The following CSGALNACT1 variants were observed in gnomAD, a reference collection of about 807,000 sequenced individuals.
CSGALNACT1 encodes the protein chondroitin sulfate N-acetylgalactosaminyltransferase 1, also known as beta4GalNAcT-1.
CSGALNACT1 carries 52 observed loss-of-function variants against 51.0 expected under a neutral mutation model. The ratio of observed to expected loss-of-function variants is 1.02; its 90% CI spans 0.82 to 1.29. The LOEUF (loss-of-function observed/expected upper bound fraction) is 1.29, where lower values mean the gene tolerates loss of function less well. Among genes scored for constraint, CSGALNACT1 ranks in the 50% most tolerant of loss-of-function variants. CSGALNACT1 has a pLI of 0.00. For missense variants in CSGALNACT1, 935 were observed against 679.2 expected (o/e 1.38, Z -4.19); for synonymous variants, 341 against 254.4 (o/e 1.34, Z -3.24).
chr8:19,439,190 T>G (rs1231927567), intron 6 of CSGALNACT1, among the ~76,000 whole-genome samples: 3 of 152,374 alleles, frequency 2.0e-5, no homozygotes, highest in African/African-American at 7.2e-5. Flanking sequence ...AATCCATCTA[T>G]GCTGCTTTTG....
chr8:19,423,593 G>T (rs554963111), intron 6 of CSGALNACT1, among the ~76,000 whole-genome samples: 2 of 152,294 alleles, frequency 1.3e-5, no homozygotes, highest in South Asian at 4.2e-4. Context: ...CATGGGAAAA[G>T]GGGTGGGAAG....
intron 1 of CSGALNACT1, among the ~76,000 whole-genome samples, chr8:19,661,461 C>G (rs1003836685): frequency 6.6e-6 from 1 of 152,340 alleles, no homozygotes; most frequent in Admixed American, 6.5e-5. Flanking sequence ...TGTCTTCAAT[C>G]TAAGGAATGC....
chr8:19,517,103 G>A (rs1000405212), intron 3 of CSGALNACT1, among the ~76,000 whole-genome samples: 11 of 152,148 alleles, frequency 7.2e-5, no homozygotes, highest in African/African-American at 2.7e-4. Context: ...AAGCATCACG[G>A]CAAGTAGAAT....
intron 3 of CSGALNACT1, among the ~76,000 whole-genome samples, chr8:19,516,793 A>G (rs2079610325): frequency 6.6e-6 from 1 of 152,144 alleles, no homozygotes; most frequent in Non-Finnish European, 1.5e-5. Context: ...GGCTTCCATG[A>G]TGGGAGCCCC....
chr8:19,666,775 GAAAGAAAGAAAGAAAGAAAGA>G (rs2059217148), intron 1 of CSGALNACT1, among the ~76,000 whole-genome samples: 1 of 7,172 alleles, frequency 1.4e-4, no homozygotes, highest in Non-Finnish European at 2.7e-4. Flanking sequence ...AAGAAAGAAA[GAAAGAAAGAAAGAAAGAAAGA>G]AAGAAAGAAA....
rs1300165269 is a variant in CSGALNACT1, at chr8:19,457,550, T to C, written c.851+876A>G. 1.9e-5 allele frequency: 11 copies of C among 580,102 alleles called. No homozygotes were observed. The East Asian group carries it at 5.4e-4, about 29-fold the overall frequency. The allele number at this position is 580,102 out of a possible 1,614,324, so 35.9% of individuals were successfully genotyped here. A position where few individuals can be genotyped will look rare whatever the true frequency, so the allele number is the denominator to read the frequency against. On this transcript the variant is annotated intron_variant, in intron 5 of 9. Coordinates refer to ENST00000454498, the Ensembl canonical transcript of CSGALNACT1. ...ATTACCTGAACCTGGGAGGTGAAGG[T>C]TGCAGTGAGCAGAGTTCGTGCCACT...
At chr8:19,735,337 G>A (rs1167492188) in intron 1 of CSGALNACT1, among the ~76,000 whole-genome samples, 1 of 152,132 alleles carries the variant, frequency 6.6e-6, no homozygotes, top group African/African-American at 2.4e-5. Context: ...TGGAATGACA[G>A]TACTCCCAGA....
intron 4 of CSGALNACT1, among the ~76,000 whole-genome samples, chr8:19,481,604 G>T (rs1302045584): frequency 6.6e-6 from 1 of 152,084 alleles, no homozygotes; most frequent in African/African-American, 2.4e-5. Flanking sequence ...TGAAAACAAA[G>T]TCCCAAACTG....
intron 3 of CSGALNACT1, among the ~76,000 whole-genome samples, chr8:19,562,782 A>G (rs1044814256): frequency 6.6e-6 from 1 of 152,222 alleles, no homozygotes; most frequent in Admixed American, 6.5e-5. Context: ...GAAACAAAAA[A>G]TACTGGCAAG....
At position 19,420,537 on chromosome 8, in the gene CSGALNACT1, T is replaced by C. The variant is rs745573407; in HGVS notation, c.954-19A>G. Reference sequence around the variant, plus strand: ...GGCAGCTCTGAAAGGCAAGACCAGGTACTGTCACTCACATTCCCACATGTT... The same window carrying C: ...GGCAGCTCTGAAAGGCAAGACCAGGCACTGTCACTCACATTCCCACATGTT... On this transcript the variant is annotated intron_variant, in intron 6 of 9. Coordinates refer to ENST00000454498, the Ensembl canonical transcript of CSGALNACT1. 6.2e-7 allele frequency: 1 copy of C among 1,612,326 alleles called. No homozygotes were observed. Among genetic ancestry groups the C allele is most frequent in the Non-Finnish European group, 8.5e-7 (1 of 1,179,208 alleles).
In CSGALNACT1 at chr8:19,458,575, G is replaced by A. The variant is rs12155539; in HGVS notation, c.702C>T (p.His234=). 0.39 allele frequency: 625,243 copies of A among 1,613,692 alleles called. 129,898 individuals are homozygous for A. Among genetic ancestry groups the A allele is most frequent in the East Asian group, 0.84 (37,601 of 44,850 alleles). ...GAAATAAGATGAGCCGTTTGAATTC[G>A]TGTTTGTGGTCCCCTTTGAAGGTGA... The change falls in exon 5 of 10, where the codon CAC becomes CAT. Residue 234 remains histidine, a synonymous_variant. Coordinates refer to ENST00000454498, the Ensembl canonical transcript of CSGALNACT1.
chr8:19,483,850 A>T (rs1178663215), intron 4 of CSGALNACT1, among the ~76,000 whole-genome samples: 1 of 152,180 alleles, frequency 6.6e-6, no homozygotes, highest in Non-Finnish European at 1.5e-5. Flanking sequence ...CTTCCAATGT[A>T]TTGTCCTTTA....
chr8:19,553,319 A>C (rs1239542648), intron 3 of CSGALNACT1, among the ~76,000 whole-genome samples: 1 of 151,998 alleles, frequency 6.6e-6, no homozygotes, highest in Non-Finnish European at 1.5e-5. Flanking sequence ...TGGTACCCTA[A>C]AGGAACTAAA....
At chr8:19,481,088 G>A (rs1163227322) in intron 4 of CSGALNACT1, among the ~76,000 whole-genome samples, 1 of 152,160 alleles carries the variant, frequency 6.6e-6, no homozygotes, top group Non-Finnish European at 1.5e-5. Flanking sequence ...AAGTTTTAAA[G>A]GCTGTAATTA....
chr8:19,644,672 T>C (rs911625490), intron 1 of CSGALNACT1, among the ~76,000 whole-genome samples: 10 of 128,278 alleles, frequency 7.8e-5, no homozygotes, highest in East Asian at 2.3e-4. Context: ...ATGGTGCTAC[T>C]GCACTCCAGC....
At chr8:19,484,792 A>G (rs78844872) in intron 4 of CSGALNACT1, among the ~76,000 whole-genome samples, 4,937 of 152,320 alleles carry the variant, frequency 0.032, 111 homozygotes, top group Non-Finnish European at 0.05. Flanking sequence ...TTAAGTTACA[A>G]TGGGGCTGCT....
intron 4 of CSGALNACT1, among the ~76,000 whole-genome samples, chr8:19,481,624 A>G (rs529881671): frequency 6.6e-6 from 1 of 152,296 alleles, no homozygotes; most frequent in African/African-American, 2.4e-5. Context: ...GGAGATAAGC[A>G]CACATCCTTA....
At chr8:19,484,636 T>C (rs927245707) in intron 4 of CSGALNACT1, among the ~76,000 whole-genome samples, 3 of 152,176 alleles carry the variant, frequency 2.0e-5, no homozygotes, top group African/African-American at 7.2e-5. Flanking sequence ...TTCCTCCAGA[T>C]TCCCAGATAC....
At chr8:19,564,903 C>A (rs1413153102) in intron 3 of CSGALNACT1, among the ~76,000 whole-genome samples, 3 of 152,180 alleles carry the variant, frequency 2.0e-5, no homozygotes, top group African/African-American at 7.2e-5. Context: ...AGGCACACAG[C>A]AGGGATTCAG....
Sources: gnomAD v4.1 joint callset for allele counts (sites outside exome capture counted in the v4.1 genomes callset) on GRCh38, gnomAD v4.1.1 for gene constraint, MANE v1.5 for transcripts, NCBI Gene and HGNC (gene_info 2026-07-23, HGNC 2026-07-21) for gene names.